Variants in KCNQ5 observed in about 807,000 individuals in gnomAD.
KCNQ5 encodes the protein potassium voltage-gated channel subfamily KQT member 5.
Under a neutral mutation model 98.2 loss-of-function variants are expected in KCNQ5, and 30 were observed. The observed-to-expected ratio is 0.31, with a 90% confidence interval of 0.23 to 0.41. KCNQ5 has a LOEUF of 0.41. Ranked by LOEUF, KCNQ5 falls within the 10% of genes least tolerant of loss-of-function variation. The probability of loss-of-function intolerance (pLI) is 1.00; values close to 1 mark genes in which losing one functional copy is unlikely to be tolerated. For missense variants in KCNQ5, 835 were observed against 1,182.5 expected (o/e 0.71, Z 4.31); for synonymous variants, 458 against 449.4 (o/e 1.02, Z -0.24).
intron 1 of KCNQ5, among the ~76,000 whole-genome samples, chr6:72,998,365 G>A (rs912284202): frequency 1.7e-4 from 26 of 152,188 alleles, no homozygotes; most frequent in Non-Finnish European, 2.2e-4. Context: ...TATTTCTGAA[G>A]AATTGTTTTC....
At position 73,077,340 on chromosome 6, in the gene KCNQ5, C is replaced by T; in HGVS notation, c.635C>T (p.Ala212Val). Residue 212 changes from alanine (A) to valine (V), a missense_variant, in exon 4 of 14, where the codon GCT becomes GTT. By Grantham distance (64) the Ala-to-Val change is moderately conservative. Transcript: ENST00000370398. Reference sequence around the variant, plus strand: ...CTTTCAGATACCATTGTTCTTATCGCTTCAATAGCAGTTGTTTCTGCAAAA... The same window carrying T: ...CTTTCAGATACCATTGTTCTTATCGTTTCAATAGCAGTTGTTTCTGCAAAA... ...FCVIDTIVLI[A>V]SIAVVSAKTQ... 1 of 1,614,074 alleles carries T rather than the reference C, an allele frequency of 6.2e-7. No homozygotes were observed. Among genetic ancestry groups the T allele is most frequent in the East Asian group, 2.2e-5 (1 of 44,876 alleles).
chr6:72,954,531 CTGTG>C (rs3068309), intron 1 of KCNQ5, among the ~76,000 whole-genome samples: 8,561 of 150,350 alleles, frequency 0.057, 591 homozygotes, highest in African/African-American at 0.17. Flanking sequence ...CAAGACTTTT[CTGTG>C]TGTGTGTGTG....
chr6:73,152,133 G>T (rs1582451672), intron 10 of KCNQ5, among the ~76,000 whole-genome samples: 1 of 151,864 alleles, frequency 6.6e-6, no homozygotes, highest in Non-Finnish European at 1.5e-5. Flanking sequence ...TGAGAAGAGT[G>T]TCTGGAAGGC....
At chr6:73,123,445 A>T (rs567111930) in intron 8 of KCNQ5, among the ~76,000 whole-genome samples, 1 of 152,230 alleles carries the variant, frequency 6.6e-6, no homozygotes, top group South Asian at 2.1e-4. Flanking sequence ...AACAGGATGA[A>T]AGAGAGGTCT....
At chr6:73,112,375 C>T (rs6453637) in intron 7 of KCNQ5, among the ~76,000 whole-genome samples, 3 of 149,722 alleles carry the variant, frequency 2.0e-5, no homozygotes, top group Non-Finnish European at 3.0e-5. Flanking sequence ...AGACAGAGTC[C>T]CGCTTTGTCG....
At chr6:72,984,017 G>A (rs533751344) in intron 1 of KCNQ5, among the ~76,000 whole-genome samples, 1 of 152,308 alleles carries the variant, frequency 6.6e-6, no homozygotes, top group African/African-American at 2.4e-5. Flanking sequence ...GTCACCAGTG[G>A]AGGCTGCAGA....
chr6:72,641,061 G>A (rs1027552997), intron 1 of KCNQ5, among the ~76,000 whole-genome samples: 4 of 152,082 alleles, frequency 2.6e-5, no homozygotes, highest in Admixed American at 6.6e-5. Context: ...TTTCTTCTAA[G>A]GAAGTTAAAT....
intron 1 of KCNQ5, among the ~76,000 whole-genome samples, chr6:72,881,087 C>G (rs1309157349): frequency 6.6e-6 from 1 of 152,214 alleles, no homozygotes; most frequent in Non-Finnish European, 1.5e-5. Context: ...CACTACATTA[C>G]AGAAACAGGG....
intron 1 of KCNQ5, among the ~76,000 whole-genome samples, chr6:72,704,371 A>G (rs1225131286): frequency 2.0e-5 from 3 of 152,078 alleles, no homozygotes; most frequent in Non-Finnish European, 2.9e-5. Flanking sequence ...CACAATGTGC[A>G]TGCTCTCTTT....
intron 1 of KCNQ5, among the ~76,000 whole-genome samples, chr6:72,838,940 A>G (rs1326574493): frequency 1.1e-5 from 1 of 90,762 alleles, no homozygotes; most frequent in African/African-American, 4.6e-5. Flanking sequence ...ACAGAGCGAG[A>G]CTCCGTCTCA....
chr6:72,789,241 T>C (rs1773908188), intron 1 of KCNQ5, among the ~76,000 whole-genome samples: 1 of 152,074 alleles, frequency 6.6e-6, no homozygotes, highest in Admixed American at 6.6e-5. Context: ...CACTGCAACC[T>C]CCGCCTCTAG....
At chr6:72,902,329 T>G (rs1779539529) in intron 1 of KCNQ5, among the ~76,000 whole-genome samples, 1 of 152,212 alleles carries the variant, frequency 6.6e-6, no homozygotes. Context: ...TGGATGTTCT[T>G]TATTTCTTTC....
At chr6:72,698,651 T>TTC (rs1565086724) in intron 1 of KCNQ5, among the ~76,000 whole-genome samples, 32 of 42,480 alleles carry the variant, frequency 7.5e-4, no homozygotes, top group African/African-American at 4.3e-3. Context: ...TCTTCTTCTT[T>TTC]TTTTTTTTTT....
chr6:72,684,610 A>G (rs751829082), intron 1 of KCNQ5, among the ~76,000 whole-genome samples: 5 of 152,244 alleles, frequency 3.3e-5, no homozygotes, highest in Non-Finnish European at 7.3e-5. Context: ...CTGTCAATCA[A>G]AAATTATAAT....
chr6:72,845,952 G>A (rs1777000063), intron 1 of KCNQ5, among the ~76,000 whole-genome samples: 1 of 152,106 alleles, frequency 6.6e-6, no homozygotes, highest in African/African-American at 2.4e-5. Context: ...TAATGTTATA[G>A]CCATTTCTAC....
chr6:72,804,524 G>A (rs577856252), intron 1 of KCNQ5, among the ~76,000 whole-genome samples: 113 of 152,036 alleles, frequency 7.4e-4, no homozygotes, highest in African/African-American at 2.7e-3. Flanking sequence ...TTATAGCCCG[G>A]TAGTACTCTA....
intron 1 of KCNQ5, among the ~76,000 whole-genome samples, chr6:72,907,332 TAATA>T (rs1779741431): frequency 6.6e-6 from 1 of 152,182 alleles, no homozygotes; most frequent in Non-Finnish European, 1.5e-5. Context: ...AATAAATAAA[TAATA>T]AAAGTCCATC....
intron 1 of KCNQ5, among the ~76,000 whole-genome samples, chr6:72,718,173 C>T (rs981757270): frequency 3.3e-5 from 5 of 152,194 alleles, no homozygotes; most frequent in African/African-American, 1.2e-4. Flanking sequence ...TCCTGAGAAA[C>T]TGAGGTTCCC....
intron 1 of KCNQ5, among the ~76,000 whole-genome samples, chr6:72,862,637 T>C (rs2150154242): frequency 6.6e-6 from 1 of 152,250 alleles, no homozygotes; most frequent in South Asian, 2.1e-4. Flanking sequence ...TATTTATTTA[T>C]TTATTTTTGA....
Sources: gnomAD v4.1 joint callset for allele counts (sites outside exome capture counted in the v4.1 genomes callset) on GRCh38, gnomAD v4.1.1 for gene constraint, MANE v1.5 for transcripts, NCBI Gene and HGNC (gene_info 2026-07-23, HGNC 2026-07-21) for gene names.